Variants in IL1RAPL2 observed in about 807,000 individuals in gnomAD.
IL1RAPL2 encodes X-linked interleukin-1 receptor accessory protein-like 2.
IL1RAPL2 carries 3 observed loss-of-function variants against 44.1 expected under a neutral mutation model. The ratio of observed to expected loss-of-function variants is 0.07; its 90% confidence interval spans 0.03 to 0.18. The LOEUF is 0.18. Among genes scored for constraint, IL1RAPL2 ranks in the 10% least tolerant of loss-of-function variants. The pLI is 1.00. For missense variants in IL1RAPL2, 391 were observed against 496.4 expected (o/e 0.79, Z 2.02); for synonymous variants, 181 against 178.8 (o/e 1.01, Z -0.10).
intron 2 of IL1RAPL2, among the ~76,000 whole-genome samples, chrX:104,854,996 G>A (rs1306236084): frequency 8.9e-6 from 1 of 112,032 alleles, no homozygotes; most frequent in Admixed American, 9.5e-5. Flanking sequence ...TATTGATGTG[G>A]TTCCTCAGTG....
At chrX:105,147,862 A>G (rs2033193032) in intron 2 of IL1RAPL2, among the ~76,000 whole-genome samples, 1 of 111,290 alleles carries the variant, frequency 9.0e-6, no homozygotes, top group Non-Finnish European at 1.9e-5. Flanking sequence ...TATACCTAGA[A>G]CGAGAATTGC....
chrX:104,721,803 A>G (rs756869515), intron 2 of IL1RAPL2, among the ~76,000 whole-genome samples: 5 of 111,904 alleles, frequency 4.5e-5, no homozygotes, highest in African/African-American at 1.3e-4. Flanking sequence ...CTCATTCTCA[A>G]TATATTATTG....
At chrX:104,785,613 C>CT (rs1932794387) in intron 2 of IL1RAPL2, among the ~76,000 whole-genome samples, 1 of 111,298 alleles carries the variant, frequency 9.0e-6, no homozygotes, top group African/African-American at 3.3e-5. Flanking sequence ...GTCCTAACTC[C>CT]TTTTTTCCCC....
intron 5 of IL1RAPL2, among the ~76,000 whole-genome samples, chrX:105,399,516 C>A (rs911250248): frequency 2.7e-5 from 3 of 110,685 alleles, no homozygotes; most frequent in Non-Finnish European, 3.8e-5. Flanking sequence ...GTCTGTGTCC[C>A]CCATATTGAA....
chrX:104,570,180 C>G (rs1339200983), intron 1 of IL1RAPL2, among the ~76,000 whole-genome samples: 1 of 112,054 alleles, frequency 8.9e-6, no homozygotes, highest in African/African-American at 3.3e-5. Flanking sequence ...AGGCTGGTTT[C>G]TAGCTGTAGT....
chrX:105,336,518 C>T (rs1479231101), intron 5 of IL1RAPL2, among the ~76,000 whole-genome samples: 3 of 112,275 alleles, frequency 2.7e-5, no homozygotes, highest in Non-Finnish European at 5.6e-5. Context: ...TCGTTCTGCT[C>T]CTTAGTCATA....
intron 2 of IL1RAPL2, among the ~76,000 whole-genome samples, chrX:105,002,989 T>C (rs961317003): frequency 8.1e-5 from 9 of 111,606 alleles, no homozygotes; most frequent in African/African-American, 2.9e-4. Flanking sequence ...CTGTTTAAGA[T>C]AATGGTATTA....
At chrX:104,785,310 C>T (rs754143319) in intron 2 of IL1RAPL2, among the ~76,000 whole-genome samples, 3 of 111,999 alleles carry the variant, frequency 2.7e-5, no homozygotes, top group South Asian at 7.5e-4. Flanking sequence ...GTTGCCATGC[C>T]GTGCCTGGCC....
chrX:104,836,617 A>G (rs116386589), intron 2 of IL1RAPL2, among the ~76,000 whole-genome samples: 2,095 of 111,212 alleles, frequency 0.019, 52 homozygotes, highest in African/African-American at 0.064. Flanking sequence ...TTAAACAGAA[A>G]TAATGTATCC....
At chrX:104,775,474 A>C (rs1932703762) in intron 2 of IL1RAPL2, among the ~76,000 whole-genome samples, 1 of 112,324 alleles carries the variant, frequency 8.9e-6, no homozygotes, top group Admixed American at 9.5e-5. Context: ...CAAATTTAAT[A>C]AAACAAATGG....
intron 3 of IL1RAPL2, among the ~76,000 whole-genome samples, chrX:105,229,942 C>T (rs991516642): frequency 1.8e-5 from 2 of 111,323 alleles, no homozygotes. Flanking sequence ...GGACCACAGG[C>T]GCGTGCCACC....
At chrX:105,720,955 A>G (rs922034861) in intron 7 of IL1RAPL2, among the ~76,000 whole-genome samples, 4 of 109,441 alleles carry the variant, frequency 3.7e-5, no homozygotes, top group African/African-American at 1.3e-4. Context: ...ATGTCTAGGT[A>G]TTCAGGCAAG....
chrX:105,467,082 T>G (rs1251009642), intron 5 of IL1RAPL2, among the ~76,000 whole-genome samples: 1 of 111,649 alleles, frequency 9.0e-6, no homozygotes, highest in African/African-American at 3.3e-5. Flanking sequence ...ACTACTGTAT[T>G]GGGGACTGAG....
chrX:105,110,033 G>A (rs937886208), intron 2 of IL1RAPL2, among the ~76,000 whole-genome samples: 1 of 111,809 alleles, frequency 8.9e-6, no homozygotes, highest in African/African-American at 3.3e-5. Flanking sequence ...TATGAGAAAT[G>A]GAGGTGCAGA....
intron 5 of IL1RAPL2, among the ~76,000 whole-genome samples, chrX:105,297,562 G>C (rs959775675): frequency 2.7e-5 from 3 of 110,706 alleles, no homozygotes; most frequent in African/African-American, 9.9e-5. Flanking sequence ...AAGAGAGCAA[G>C]TGAGAGTGGG....
chrX:105,396,988 T>C (rs1015483217), intron 5 of IL1RAPL2, among the ~76,000 whole-genome samples: 1 of 110,449 alleles, frequency 9.1e-6, no homozygotes, highest in African/African-American at 3.3e-5. Context: ...CTCTGCCTCC[T>C]GTCAGATCAG....
intron 2 of IL1RAPL2, among the ~76,000 whole-genome samples, chrX:105,012,592 TTCTCTTTCTCTCTC>T (rs2031069205): frequency 4.5e-5 from 1 of 22,326 alleles, no homozygotes; most frequent in Non-Finnish European, 9.4e-5. Context: ...AAGGCTAACT[TTCTCTTTCTCTCTC>T]TCTCTCTCTC....
intron 5 of IL1RAPL2, among the ~76,000 whole-genome samples, chrX:105,455,456 T>G (rs2036048545): frequency 8.9e-6 from 1 of 112,147 alleles, no homozygotes; most frequent in Non-Finnish European, 1.9e-5. Context: ...AGTTTTAGGT[T>G]TTACATTTAA....
chrX:104,984,547 TG>T (rs1198639562), intron 2 of IL1RAPL2, among the ~76,000 whole-genome samples: 1 of 111,950 alleles, frequency 8.9e-6, no homozygotes, highest in Non-Finnish European at 1.9e-5. Context: ...AAATGAACTG[TG>T]GTCATCAGAG....
Sources: gnomAD v4.1 joint callset for allele counts (sites outside exome capture counted in the v4.1 genomes callset) on GRCh38, gnomAD v4.1.1 for gene constraint, MANE v1.5 for transcripts, NCBI Gene and HGNC (gene_info 2026-07-23, HGNC 2026-07-21) for gene names.